The following PTPRT variants were observed in gnomAD, a reference collection of about 807,000 sequenced individuals.
PTPRT encodes receptor-type tyrosine-protein phosphatase T.
A neutral mutation model predicts 176.8 loss-of-function variants in PTPRT; 56 were observed. That is an observed-to-expected ratio of 0.32 (90% CI 0.26 to 0.40). The LOEUF is 0.40. Among genes scored for constraint, PTPRT ranks in the 10% least tolerant of loss-of-function variants. The pLI is 1.00. For missense variants in PTPRT, 1,540 were observed against 1,908.2 expected (o/e 0.81, Z 3.60); for synonymous variants, 783 against 739.0 (o/e 1.06, Z -0.96).
chr20:42,699,125 A>G (rs1184170551), intron 6 of PTPRT, among the ~76,000 whole-genome samples: 3 of 152,178 alleles, frequency 2.0e-5, no homozygotes, highest in Non-Finnish European at 4.4e-5. Flanking sequence ...GGACCAGTGC[A>G]TTACCTCTTA....
intron 1 of PTPRT, among the ~76,000 whole-genome samples, chr20:42,980,594 C>T (rs749172941): frequency 6.6e-5 from 10 of 152,238 alleles, no homozygotes; most frequent in Non-Finnish European, 1.3e-4. Context: ...CCCCACCCTA[C>T]TGCAGCCTGT....
chr20:43,005,262 G>A (rs1427094248), intron 1 of PTPRT, among the ~76,000 whole-genome samples: 1 of 152,120 alleles, frequency 6.6e-6, no homozygotes, highest in East Asian at 1.9e-4. Flanking sequence ...CTGAGTGACA[G>A]TCACCAGCTC....
intron 1 of PTPRT, among the ~76,000 whole-genome samples, chr20:43,090,656 G>C (rs926990974): frequency 1.3e-5 from 2 of 151,386 alleles, no homozygotes; most frequent in Non-Finnish European, 2.9e-5. Context: ...GAACGCCAAA[G>C]GAAAAAATAT....
intron 7 of PTPRT, among the ~76,000 whole-genome samples, chr20:42,503,625 C>A (rs1204186039): frequency 1.3e-5 from 2 of 151,838 alleles, no homozygotes; most frequent in Non-Finnish European, 2.9e-5. Context: ...TATTCCTAAG[C>A]TAAATGTATA....
At chr20:42,814,584 T>G (rs540658193) in intron 2 of PTPRT, among the ~76,000 whole-genome samples, 4 of 152,302 alleles carry the variant, frequency 2.6e-5, no homozygotes, top group Non-Finnish European at 5.9e-5. Flanking sequence ...TGTTAGCACT[T>G]AAATCAGTCC....
At chr20:43,186,172 T>A (rs1368605829) in intron 1 of PTPRT, among the ~76,000 whole-genome samples, 3 of 152,192 alleles carry the variant, frequency 2.0e-5, no homozygotes, top group African/African-American at 7.2e-5. Context: ...CAGCTATAAT[T>A]ATCCTCACTT....
chr20:42,561,635 G>A (rs2072953556), intron 7 of PTPRT, among the ~76,000 whole-genome samples: 1 of 152,292 alleles, frequency 6.6e-6, no homozygotes, highest in South Asian at 2.1e-4. Flanking sequence ...CATGGAGTCA[G>A]GGTGTGGGCT....
chr20:42,338,031 C>T (rs1302770497), intron 11 of PTPRT, among the ~76,000 whole-genome samples: 3 of 152,282 alleles, frequency 2.0e-5, no homozygotes, highest in East Asian at 3.9e-4. Context: ...CTACCTTTTC[C>T]ATCTGCCTGG....
rs116527849 is a variant in PTPRT at position 43,148,942 on chromosome 20, G to T, written c.88+40704C>A. Among the ~76,000 whole-genome samples, 813 of 152,268 alleles carry T rather than the reference G, an allele frequency of 5.3e-3. 5 individuals are homozygous for T. Among genetic ancestry groups the T allele is most frequent in the African/African-American group, 0.018 (759 of 41,546 alleles). On this transcript the variant is annotated intron_variant, in intron 1 of 30. Coordinates refer to ENST00000373187, the MANE Select transcript of PTPRT (RefSeq NM_007050.6). ...GTGCTTGAGGTAGGTCAGAGATGTT[G>T]TTTTTTAAAATGTCTGTGTGATCCT...
At position 42,325,016 on chromosome 20, in the gene PTPRT, C is replaced by T. The variant is rs115633493; in HGVS notation, c.1866-9020G>A. ...TCAGACATTTATTGGGTGATGATAG[C>T]TCAATAAAGTAAACATAGCAGGTTC... On this transcript the variant is annotated intron_variant, in intron 11 of 30. Transcript: ENST00000373187. Among the ~76,000 whole-genome samples the T allele has an allele frequency of 2.6e-3, 399 of 152,282 alleles. 1 individual carries two copies. Among genetic ancestry groups the T allele is most frequent in the African/African-American group, 9.1e-3 (377 of 41,548 alleles).
chr20:42,636,116 T>C (rs561008321), intron 7 of PTPRT, among the ~76,000 whole-genome samples: 1 of 152,262 alleles, frequency 6.6e-6, no homozygotes, highest in East Asian at 1.9e-4. Flanking sequence ...ATTACTCTTA[T>C]ACATGGTAAA....
intron 7 of PTPRT, among the ~76,000 whole-genome samples, chr20:42,507,997 G>C (rs1046268359): frequency 6.6e-6 from 1 of 151,946 alleles, no homozygotes; most frequent in African/African-American, 2.4e-5. Flanking sequence ...TTTCATTAAC[G>C]TATTTAATCA....
chr20:42,127,645 C>T (rs1987925626), intron 19 of PTPRT, among the ~76,000 whole-genome samples: 3 of 152,136 alleles, frequency 2.0e-5, no homozygotes, highest in African/African-American at 2.4e-5. Flanking sequence ...AATCTCTGTG[C>T]CATTCTTCAA....
At chr20:42,946,941 G>C (rs926046879) in intron 1 of PTPRT, among the ~76,000 whole-genome samples, 2 of 152,140 alleles carry the variant, frequency 1.3e-5, no homozygotes, top group African/African-American at 4.8e-5. Context: ...AGCCAAAAAT[G>C]TCTCCAGACA....
At chr20:42,632,921 T>C (rs2074444328) in intron 7 of PTPRT, among the ~76,000 whole-genome samples, 1 of 152,142 alleles carries the variant, frequency 6.6e-6, no homozygotes, top group Admixed American at 6.5e-5. Context: ...AGTATGTACC[T>C]ATAAAAGCTA....
intron 1 of PTPRT, among the ~76,000 whole-genome samples, chr20:42,964,294 A>C (rs1982169733): frequency 6.6e-6 from 1 of 152,184 alleles, no homozygotes; most frequent in Non-Finnish European, 1.5e-5. Context: ...CCAAGAGGTT[A>C]AATTGAAAGC....
chr20:42,310,731 A>G (rs1723491075), intron 12 of PTPRT, among the ~76,000 whole-genome samples: 1 of 152,230 alleles, frequency 6.6e-6, no homozygotes, highest in Non-Finnish European at 1.5e-5. Flanking sequence ...AATGGTTACA[A>G]CATGGTCTAA....
chr20:42,123,127 GT>G (rs1404093144), intron 19 of PTPRT, among the ~76,000 whole-genome samples: 1 of 152,150 alleles, frequency 6.6e-6, no homozygotes, highest in African/African-American at 2.4e-5. Flanking sequence ...ATGTATGAAT[GT>G]TTTTGAGCTG....
rs1985220366 is a variant in PTPRT at position 42,096,287 on chromosome 20, T to G, written c.3846+2134A>C. 2.0e-5 allele frequency among the ~76,000 whole-genome samples: 3 copies of G among 152,128 alleles called. No individual in the cohort carries two copies. In the South Asian group the frequency reaches 6.2e-4, roughly 32 times the overall value. Reference sequence around the variant, plus strand: ...TTTTATTCTTACCCTTTTTTTGCAATTTTTATTTTTTTTATTTTTTAAGAG... The same window carrying G: ...TTTTATTCTTACCCTTTTTTTGCAAGTTTTATTTTTTTTATTTTTTAAGAG... On this transcript the variant is annotated intron_variant, in intron 27 of 30. Coordinates refer to ENST00000373187, the MANE Select transcript of PTPRT (RefSeq NM_007050.6).
Sources: allele counts gnomAD v4.1 joint callset (sites outside exome capture counted in the v4.1 genomes callset), GRCh38; gene constraint gnomAD v4.1.1; transcripts MANE v1.5; gene names NCBI Gene and HGNC (gene_info 2026-07-23, HGNC 2026-07-21).